The following FBXO31 variants were observed in gnomAD, a reference collection of about 807,000 sequenced individuals.
The protein encoded by FBXO31 is F-box protein 31.
A neutral mutation model predicts 54.4 loss-of-function variants in FBXO31; 24 were observed. The ratio of observed to expected loss-of-function variants is 0.44; its 90% CI spans 0.32 to 0.62. The LOEUF is 0.62. FBXO31 is among the 20% of genes least tolerant of loss of function. The pLI is 0.05. For synonymous variants in FBXO31, 388 were observed against 335.6 expected (o/e 1.16, Z -1.71); for missense variants, 665 against 787.1 (o/e 0.84, Z 1.86).
chr16:87,375,807 A>G (rs1906798884), intron 1 of FBXO31, among the ~76,000 whole-genome samples: 1 of 152,112 alleles, frequency 6.6e-6, no homozygotes, highest in Admixed American at 6.6e-5. Flanking sequence ...GCCTGCCCCA[A>G]CATCAGAAGT....
At chr16:87,386,012 A>C (rs1357837033), upstream of FBXO31, 1 of 149,302 alleles carries the variant, frequency 6.7e-6, no homozygotes, top group Non-Finnish European at 1.5e-5. Flanking sequence ...CTCTTTCTCA[A>C]AAAAAAAAAA....
chr16:87,391,437 T>C (rs547055962), upstream of FBXO31, among the ~76,000 whole-genome samples: 39 of 152,324 alleles, frequency 2.6e-4, no homozygotes, highest in Non-Finnish European at 2.8e-4. Flanking sequence ...CAAATATGAC[T>C]GCCCTTTCAC....
chr16:87,353,139 G>A (rs1382127437), intron 2 of FBXO31, among the ~76,000 whole-genome samples: 6 of 152,140 alleles, frequency 3.9e-5, no homozygotes, highest in Admixed American at 6.5e-5. Context: ...TCCACTCCCC[G>A]CCTTGTCCAG....
chr16:87,327,024 A>T lies in FBXO31; in HGVS notation c.*4264T>A, dbSNP rs1904668601. On this transcript the variant is annotated 3_prime_UTR_variant, in exon 9 of 9. Coordinates refer to ENST00000311635, the MANE Select transcript of FBXO31 (RefSeq NM_024735.5). The stretch of plus-strand genomic sequence containing the variant: ...CGGATTTACTTGAAACTGTGAGGAG[A>T]AACAAGTGCACGGGTGCAGGTGGCG... The T allele has an allele frequency of 1.3e-5, 2 of 152,334 alleles. No individual in the cohort carries two copies. Among genetic ancestry groups the T allele is most frequent in the South Asian group, 2.1e-4 (1 of 4,836 alleles). 9.4% of individuals were successfully genotyped at this position (152,334 alleles called of 1,614,324 possible).
At chr16:87,354,450 C>A (rs1450927557) in intron 2 of FBXO31, among the ~76,000 whole-genome samples, 1 of 150,326 alleles carries the variant, frequency 6.7e-6, no homozygotes, top group Non-Finnish European at 1.5e-5. Flanking sequence ...GCCTGGGCAA[C>A]AGAGCGAGAT....
At chr16:87,352,693 G>A (rs552857542) in intron 2 of FBXO31, among the ~76,000 whole-genome samples, 55 of 152,302 alleles carry the variant, frequency 3.6e-4, no homozygotes, top group African/African-American at 1.2e-3. Flanking sequence ...TCACAGGAGA[G>A]CCTGGGAAAC....
Position 87,336,345 on chromosome 16 carries a change from C to A in FBXO31, c.733-81G>T. 7.8e-7 allele frequency: 1 copy of A among 1,274,298 alleles called. No homozygotes were observed. The highest frequency in any genetic ancestry group is 1.7e-5 in the Admixed American group (1 of 58,470). 78.9% of individuals were successfully genotyped at this position (1,274,298 alleles called of 1,614,324 possible). A position where few individuals can be genotyped will look rare whatever the true frequency, so the allele number is the denominator to read the frequency against. On this transcript the variant is annotated intron_variant, in intron 5 of 8. Transcript: ENST00000311635. The surrounding 1 kb of genome is among the most constrained non-coding windows in gnomAD (Gnocchi z 6.5). Reference sequence around the variant, plus strand: ...TGCCGGCTGTGCCGCTGAGAGGACACAGTGTGTCCTTCTTTGTCAGTGCAC... The same window carrying A: ...TGCCGGCTGTGCCGCTGAGAGGACAAAGTGTGTCCTTCTTTGTCAGTGCAC...
At chr16:87,349,766 C>A (rs1052708640) in intron 2 of FBXO31, among the ~76,000 whole-genome samples, 5 of 150,832 alleles carry the variant, frequency 3.3e-5, no homozygotes, top group African/African-American at 1.2e-4. Context: ...TTCCATCAGC[C>A]CGGTGTGGTG....
intron 5 of FBXO31, among the ~76,000 whole-genome samples, chr16:87,340,009 G>A (rs370289045): frequency 2.6e-5 from 4 of 152,352 alleles, no homozygotes; most frequent in Non-Finnish European, 4.4e-5. Flanking sequence ...TCGGCCGGGC[G>A]CGGTGGCTCG....
intron 2 of FBXO31, among the ~76,000 whole-genome samples, chr16:87,359,161 G>A (rs1309843742): frequency 1.3e-5 from 2 of 152,200 alleles, no homozygotes; most frequent in South Asian, 2.1e-4. Context: ...AAACACTGTC[G>A]GAAACAGATC....
Position 87,383,680 on chromosome 16 carries a change from C to T in FBXO31, c.65G>A (p.Arg22His). ...PSRGCRRRQQ[R>H]RGPAETAAAD... ...CGCCGCCGTCTCGGCCGGGCCCCGG[C>T]GCTGCTGGCGGCGCCGACATCCGCG... Residue 22 changes from arginine (R) to histidine (H), a missense_variant, in exon 1 of 9, where the codon CGC becomes CAC. Coordinates refer to ENST00000311635, the MANE Select transcript of FBXO31 (RefSeq NM_024735.5). This position sits in a 1 kb window ranked among gnomAD's most constrained non-coding sequence, Gnocchi z 4.9. 1 of 1,283,498 alleles carries T rather than the reference C, an allele frequency of 7.8e-7. No homozygotes were observed. The highest frequency in any genetic ancestry group is 3.3e-5 in the East Asian group (1 of 30,482). 79.5% of individuals were successfully genotyped at this position (1,283,498 alleles called of 1,614,324 possible).
intron 2 of FBXO31, among the ~76,000 whole-genome samples, chr16:87,357,327 C>CTTTTTT (rs34678078): frequency 8.9e-5 from 11 of 123,408 alleles, no homozygotes; most frequent in Non-Finnish European, 1.7e-4. Flanking sequence ...GAATTCGGTT[C>CTTTTTT]TTTTTTTTTT....
Position 87,360,337 on chromosome 16 carries a change from G to A in FBXO31, c.370C>T (p.Leu124=). The A allele has an allele frequency of 3.1e-6, 5 of 1,614,178 alleles. No individual in the cohort carries two copies. The East Asian group carries it at 1.1e-4, about 36-fold the overall frequency. The change falls in exon 2 of 9, where the codon CTG becomes TTG. Residue 124 remains leucine, a synonymous_variant. Transcript: ENST00000311635. ...EYGVCENLRK[L]EITGVSCRDV... is the part of the protein sequence containing the mutation. ...CGACAAGACACGCCTGTGATCTCCA[G>A]CTTCCGCAAGTTTTCGCAAACACCA...
chr16:87,386,455 C>G (rs904995923), upstream of FBXO31, among the ~76,000 whole-genome samples: 1 of 152,114 alleles, frequency 6.6e-6, no homozygotes. Flanking sequence ...TATTTAGAGA[C>G]GGAGTCTCAC....
At chr16:87,352,357 A>G (rs1425749990) in intron 2 of FBXO31, among the ~76,000 whole-genome samples, 1 of 152,178 alleles carries the variant, frequency 6.6e-6, no homozygotes, top group African/African-American at 2.4e-5. Context: ...GGACATCGCT[A>G]CCTCTTACTA....
chr16:87,350,856 T>A (rs1905623242), intron 2 of FBXO31, among the ~76,000 whole-genome samples: 1 of 152,210 alleles, frequency 6.6e-6, no homozygotes, highest in Non-Finnish European at 1.5e-5. Flanking sequence ...AGTTCCCTGT[T>A]GTGCTGAAAA....
At position 87,335,891 on chromosome 16, in the gene FBXO31, G is replaced by T. The variant is rs1360068709; in HGVS notation, c.842+264C>A. On this transcript the variant is annotated intron_variant, in intron 6 of 8. Coordinates refer to ENST00000311635, the MANE Select transcript of FBXO31 (RefSeq NM_024735.5). The surrounding 1 kb of genome is among the most constrained non-coding windows in gnomAD (Gnocchi z 5.7). The stretch of plus-strand genomic sequence containing the variant: ...CGGGTGAAGGATGGGGTCTGGGGCT[G>T]TGCCACAGCAGCTACAGGGAGGCCT... Among the ~76,000 whole-genome samples, 1 of 152,130 alleles carries T rather than the reference G, an allele frequency of 6.6e-6. No individual in the cohort carries two copies. Among genetic ancestry groups the T allele is most frequent in the Non-Finnish European group, 1.5e-5 (1 of 68,014 alleles).
intron 2 of FBXO31, among the ~76,000 whole-genome samples, chr16:87,352,840 A>G (rs1186698457): frequency 6.6e-6 from 1 of 152,204 alleles, no homozygotes; most frequent in Non-Finnish European, 1.5e-5. Flanking sequence ...AGTACCGTGA[A>G]AGGTGAGGTT....
chr16:87,374,254 A>G (rs1456841425), intron 1 of FBXO31, among the ~76,000 whole-genome samples: 1 of 152,106 alleles, frequency 6.6e-6, no homozygotes, highest in Non-Finnish European at 1.5e-5. Context: ...AAGAAAAAAA[A>G]AAAAAGAGAG....
Sources: gnomAD v4.1 joint callset for allele counts (sites outside exome capture counted in the v4.1 genomes callset) on GRCh38, gnomAD v4.1.1 for gene constraint, Gnocchi (gnomAD v3.1) non-coding constraint, MANE v1.5 for transcripts, NCBI Gene and HGNC (gene_info 2026-07-23, HGNC 2026-07-21) for gene names.